The following XPO7 variants were observed in gnomAD, a reference collection of about 807,000 sequenced individuals.
XPO7 encodes the protein exportin-7.
Under a neutral mutation model 144.3 loss-of-function variants are expected in XPO7, and 21 were observed. The ratio of observed to expected loss-of-function variants is 0.15; its 90% CI spans 0.10 to 0.21. The LOEUF (loss-of-function observed/expected upper bound fraction) is 0.21. Among genes scored for constraint, XPO7 ranks in the 10% least tolerant of loss-of-function variants. XPO7 has a pLI of 1.00. For synonymous variants in XPO7, 580 were observed against 499.6 expected, an observed-to-expected ratio of 1.16 and a Z score of -2.15; for missense variants, 808 against 1,325.8, an observed-to-expected ratio of 0.61 and a Z score of 6.06.
chr8:21,936,217 A>C (rs1430680412), intron 1 of XPO7, among the ~76,000 whole-genome samples: 3 of 152,106 alleles, frequency 2.0e-5, no homozygotes, highest in South Asian at 2.1e-4. Context: ...TTTTTTTAAG[A>C]TCAGCACCCT....
intron 1 of XPO7, among the ~76,000 whole-genome samples, chr8:21,965,281 G>A (rs969634634): frequency 5.0e-4 from 76 of 152,096 alleles, no homozygotes; most frequent in African/African-American, 1.7e-3. Context: ...TTCTCAATAA[G>A]GTCTTGAGCA....
chr8:21,991,616 A>C (rs920722554), intron 18 of XPO7: 3 of 350,494 alleles, frequency 8.6e-6, no homozygotes, highest in Non-Finnish European at 1.6e-5. Flanking sequence ...ACACATATGA[A>C]TCTCTTGATA....
chr8:21,930,896 C>G (rs185675695), intron 1 of XPO7, among the ~76,000 whole-genome samples: 2 of 152,126 alleles, frequency 1.3e-5, no homozygotes, highest in East Asian at 3.9e-4. Context: ...TGCAGTGTTG[C>G]GATCTCCGAT....
At chr8:21,926,860 A>T (rs1035726077) in intron 1 of XPO7, among the ~76,000 whole-genome samples, 2 of 152,194 alleles carry the variant, frequency 1.3e-5, no homozygotes, top group Non-Finnish European at 2.9e-5. Flanking sequence ...TTTTGTCTTC[A>T]GCTTGTCATT....
At chr8:21,939,866 G>A (rs1355930574) in intron 1 of XPO7, among the ~76,000 whole-genome samples, 2 of 152,172 alleles carry the variant, frequency 1.3e-5, no homozygotes. Flanking sequence ...AATGTAATTA[G>A]CAAACATTTA....
chr8:21,930,332 A>G (rs996098289), intron 1 of XPO7, among the ~76,000 whole-genome samples: 2 of 152,198 alleles, frequency 1.3e-5, no homozygotes, highest in African/African-American at 4.8e-5. Flanking sequence ...CAATGGGAAT[A>G]TAAATGTGAA....
At chr8:21,995,729 T>G in intron 21 of XPO7, 130 bp downstream of exon 21, 1 of 644,590 alleles carries the variant, frequency 1.6e-6, no homozygotes, top group Non-Finnish European at 2.5e-6. Flanking sequence ...TCGAAAAGTT[T>G]TTGTGTTTTT....
At position 21,990,326 on chromosome 8, in the gene XPO7, T is replaced by G. The variant is rs762988661; in HGVS notation, c.1869-18T>G. The G allele has an allele frequency of 5.6e-6, 9 of 1,612,768 alleles. No individual in the cohort carries two copies. The highest frequency in any genetic ancestry group is 6.8e-6 in the Non-Finnish European group (8 of 1,178,854). ...GGCCTGCTTCACACTTTCCTTGACCTTCTTCCTTTGTCTTCACGTACAGTA... is the reference window on the plus strand; with the variant it reads ...GGCCTGCTTCACACTTTCCTTGACCGTCTTCCTTTGTCTTCACGTACAGTA... On this transcript the variant is annotated intron_variant, in intron 16 of 27. Coordinates refer to ENST00000252512, the MANE Select transcript of XPO7 (RefSeq NM_015024.5).
At chr8:21,949,716 G>C (rs1178423193) in intron 1 of XPO7, among the ~76,000 whole-genome samples, 1 of 63,364 alleles carries the variant, frequency 1.6e-5, no homozygotes, top group Non-Finnish European at 4.4e-5. Flanking sequence ...TGGCCAGGCT[G>C]TTTGTTGTTG....
intron 1 of XPO7, among the ~76,000 whole-genome samples, chr8:21,945,520 T>A (rs965777024): frequency 6.6e-6 from 1 of 152,230 alleles, no homozygotes; most frequent in Non-Finnish European, 1.5e-5. Context: ...TTTAACAACA[T>A]GTTTGAGACA....
intron 1 of XPO7, among the ~76,000 whole-genome samples, chr8:21,951,850 G>T (rs982143542): frequency 3.9e-5 from 6 of 152,060 alleles, no homozygotes; most frequent in Non-Finnish European, 8.8e-5. Context: ...CATTAATTAC[G>T]AGTCTTACAG....
chr8:21,932,953 A>C (rs999542523), intron 1 of XPO7, among the ~76,000 whole-genome samples: 17 of 152,276 alleles, frequency 1.1e-4, no homozygotes, highest in African/African-American at 3.6e-4. Context: ...GACCTTTGTT[A>C]GAGAATCAAA....
At chr8:21,966,137 G>C in intron 1 of XPO7, 1 of 635,462 alleles carries the variant, frequency 1.6e-6, no homozygotes, top group East Asian at 2.7e-5. Flanking sequence ...ACTGGTTCAA[G>C]ATTTGGAGAG....
At chr8:21,991,094 T>C (rs535585428) in intron 18 of XPO7, among the ~76,000 whole-genome samples, 175 bp downstream of exon 18, 1 of 152,364 alleles carries the variant, frequency 6.6e-6, no homozygotes, top group African/African-American at 2.4e-5. Flanking sequence ...GAGGTCCTTA[T>C]AACTGGAAGA....
At chr8:21,961,631 T>A (rs1450686416) in intron 1 of XPO7, among the ~76,000 whole-genome samples, 1 of 152,010 alleles carries the variant, frequency 6.6e-6, no homozygotes, top group Non-Finnish European at 1.5e-5. Flanking sequence ...CTTGGCTTTT[T>A]CATTTTAGTC....
chr8:21,923,107 C>T (rs1318505845), intron 1 of XPO7, among the ~76,000 whole-genome samples: 2 of 152,220 alleles, frequency 1.3e-5, no homozygotes, highest in East Asian at 1.9e-4. Flanking sequence ...AAGGGAGTTC[C>T]GTACAACTTT....
At chr8:21,987,089 G>A (rs1812603041) in intron 13 of XPO7, 52 bp from the exon 14 acceptor site, 2 of 1,610,576 alleles carry the variant, frequency 1.2e-6, no homozygotes, top group East Asian at 4.5e-5. Context: ...GGGTTGTCTA[G>A]AGTAAACAGG....
intron 1 of XPO7, among the ~76,000 whole-genome samples, chr8:21,953,678 AT>A (rs1268970396): frequency 6.6e-6 from 1 of 152,196 alleles, no homozygotes; most frequent in Non-Finnish European, 1.5e-5. Flanking sequence ...ATCTGGTGTT[AT>A]AAATGTTTTG....
In XPO7 at chr8:21,980,066, G is replaced by T. The variant is rs766986576; in HGVS notation, c.838-18G>T. On this transcript the variant is annotated intron_variant, in intron 8 of 27. Coordinates refer to ENST00000252512, the MANE Select transcript of XPO7 (RefSeq NM_015024.5). Reference sequence around the variant, plus strand: ...CAGTCTTTTTAATCGTTGTGTTTGGGTTCTGCCCTGCATTTAGGTATTATC... The same window carrying T: ...CAGTCTTTTTAATCGTTGTGTTTGGTTTCTGCCCTGCATTTAGGTATTATC... The T allele has an allele frequency of 6.4e-6, 10 of 1,560,016 alleles. No individual in the cohort carries two copies. The highest frequency in any genetic ancestry group is 7.8e-6 in the Non-Finnish European group (9 of 1,150,868).
Sources: allele counts gnomAD v4.1 joint callset (sites outside exome capture counted in the v4.1 genomes callset), GRCh38; gene constraint gnomAD v4.1.1; transcripts MANE v1.5; gene names NCBI Gene and HGNC (gene_info 2026-07-23, HGNC 2026-07-21).